ANKRD62: variants seen among roughly 807,000 people sequenced by gnomAD.
The protein encoded by ANKRD62 is ankyrin repeat domain-containing protein 62.
In ANKRD62, 61 loss-of-function variants were observed where a neutral mutation model predicts 98.8. The ratio of observed to expected loss-of-function variants is 0.62; its 90% CI spans 0.50 to 0.76. The LOEUF (loss-of-function observed/expected upper bound fraction) is 0.76. Ranked by LOEUF, ANKRD62 falls within the 30% of genes least tolerant of loss-of-function variation. ANKRD62 has a pLI of 0.00. For missense variants in ANKRD62, 933 were observed against 1,082.9 expected (o/e 0.86, Z 1.94); for synonymous variants, 341 against 367.9 (o/e 0.93, Z 0.84).
intron 1 of ANKRD62, 23 bp downstream of exon 1, chr18:12,094,258 A>T (rs1425648590): frequency 1.3e-6 from 2 of 1,489,280 alleles, no homozygotes; most frequent in Admixed American, 4.3e-5. Flanking sequence ...GGAAGCCGGG[A>T]GGAGGCCTGG....
At chr18:12,100,526 A>G (rs1258791671) in intron 6 of ANKRD62, among the ~76,000 whole-genome samples, 1 of 152,114 alleles carries the variant, frequency 6.6e-6, no homozygotes, top group Non-Finnish European at 1.5e-5. Context: ...GATTTGTGTC[A>G]CTTAAAAAGT....
At chr18:12,153,364 G>A in the ANKRD62 span, among the ~76,000 whole-genome samples, 141 of 152,140 alleles carry the variant, frequency 9.3e-4, no homozygotes, top group Non-Finnish European at 1.9e-3. Context: ...GCCAAAGTGG[G>A]GTGAATCACT....
the ANKRD62 span, among the ~76,000 whole-genome samples, chr18:12,167,360 C>T: frequency 5.3e-5 from 8 of 152,038 alleles, no homozygotes; most frequent in South Asian, 6.2e-4. Flanking sequence ...TGTTCAGTTC[C>T]CACCTATGAG....
downstream of ANKRD62, among the ~76,000 whole-genome samples, chr18:12,132,987 A>C (rs1910028210): frequency 6.6e-6 from 1 of 152,146 alleles, no homozygotes; most frequent in East Asian, 1.9e-4. Flanking sequence ...AAGTACATTC[A>C]CAATGTCATA....
chr18:12,169,987 A>G, the ANKRD62 span, among the ~76,000 whole-genome samples: 1 of 152,006 alleles, frequency 6.6e-6, no homozygotes, highest in African/African-American at 2.4e-5. Flanking sequence ...CCCCTTTATC[A>G]TTTTTTATTG....
chr18:12,156,167 T>A, the ANKRD62 span, among the ~76,000 whole-genome samples: 8 of 148,856 alleles, frequency 5.4e-5, no homozygotes, highest in Non-Finnish European at 7.5e-5. Context: ...TCCACCATAA[T>A]TGGAAGCTTC....
chr18:12,162,171 C>T, the ANKRD62 span, among the ~76,000 whole-genome samples: 2 of 152,012 alleles, frequency 1.3e-5, no homozygotes, highest in African/African-American at 4.8e-5. Flanking sequence ...TCCATATGCT[C>T]AACAGCATTT....
chr18:12,176,349 G>GC, the ANKRD62 span, among the ~76,000 whole-genome samples: 1 of 137,508 alleles, frequency 7.3e-6, no homozygotes, highest in Admixed American at 7.5e-5. Context: ...AATCATAATT[G>GC]TAAAAAAGTA....
chr18:12,158,844 T>A, the ANKRD62 span, among the ~76,000 whole-genome samples: 1 of 152,178 alleles, frequency 6.6e-6, no homozygotes, highest in African/African-American at 2.4e-5. Flanking sequence ...AGAAATTTTT[T>A]ATTTAACACA....
chr18:12,130,991 G>A (rs1909995164), downstream of ANKRD62, among the ~76,000 whole-genome samples: 1 of 152,132 alleles, frequency 6.6e-6, no homozygotes, highest in South Asian at 2.1e-4. Context: ...CATCTGGCCT[G>A]TACAATGTTT....
the ANKRD62 span, among the ~76,000 whole-genome samples, chr18:12,135,173 C>T: frequency 6.8e-6 from 1 of 146,486 alleles, no homozygotes; most frequent in African/African-American, 2.6e-5. Flanking sequence ...GGTATATCTC[C>T]TAATGCTATC....
At chr18:12,151,668 A>G in the ANKRD62 span, among the ~76,000 whole-genome samples, 1 of 152,350 alleles carries the variant, frequency 6.6e-6, no homozygotes, top group Non-Finnish European at 1.5e-5. Flanking sequence ...GAGAAGCAAG[A>G]ATAAATCAAC....
chr18:12,093,909 C>T lies in ANKRD62; in HGVS notation c.-109C>T. On this transcript the variant is annotated 5_prime_UTR_variant, in exon 1 of 14. Coordinates refer to ENST00000587848, the MANE Select transcript of ANKRD62 (RefSeq NM_001277333.2). Reference sequence around the variant, plus strand: ...GGAGTGTCCCTGACGGAGGTTGCGGCTGGACCTGGTTACGTGCTGGTGCTG... The same window carrying T: ...GGAGTGTCCCTGACGGAGGTTGCGGTTGGACCTGGTTACGTGCTGGTGCTG... 9.3e-7 allele frequency: 1 copy of T among 1,078,554 alleles called. No individual in the cohort carries two copies. 66.8% of individuals were successfully genotyped at this position (1,078,554 alleles called of 1,614,324 possible). A position where few individuals can be genotyped will look rare whatever the true frequency, so the allele number is the denominator to read the frequency against.
chr18:12,153,607 A>AAAAAAAAAG, the ANKRD62 span, among the ~76,000 whole-genome samples: 3 of 141,042 alleles, frequency 2.1e-5, no homozygotes, highest in African/African-American at 5.3e-5. Flanking sequence ...AAAAAAAAAA[A>AAAAAAAAAG]AAAGAAAGAA....
Position 12,128,466 on chromosome 18 carries a change from A to T in ANKRD62, c.*527A>T, listed in dbSNP as rs555000724. On this transcript the variant is annotated 3_prime_UTR_variant, in exon 14 of 14. Transcript: ENST00000587848. ...AGCATTTGCCAACATGTATGTGTCT[A>T]CTTTCTCTTGCTTAAAACAAAAACA... 1 of 152,364 alleles carries T rather than the reference A, an allele frequency of 6.6e-6. No individual in the cohort carries two copies. The highest frequency in any genetic ancestry group is 2.1e-4 in the South Asian group (1 of 4,826). 9.4% of individuals were successfully genotyped at this position (152,364 alleles called of 1,614,324 possible). A position where few individuals can be genotyped will look rare whatever the true frequency, so the allele number is the denominator to read the frequency against.
At chr18:12,140,226 G>T in the ANKRD62 span, among the ~76,000 whole-genome samples, 11 of 152,072 alleles carry the variant, frequency 7.2e-5, no homozygotes, top group Admixed American at 7.2e-4. Context: ...CTCTGCATTG[G>T]TTATTCTAGT....
At chr18:12,150,597 A>C in the ANKRD62 span, among the ~76,000 whole-genome samples, 8 of 152,232 alleles carry the variant, frequency 5.3e-5, no homozygotes, top group Non-Finnish European at 1.2e-4. Context: ...GGCTAACAGT[A>C]GACATCTTAG....
chr18:12,124,939 CA>C (rs1310558531), intron 12 of ANKRD62, among the ~76,000 whole-genome samples: 1 of 152,044 alleles, frequency 6.6e-6, no homozygotes, highest in Non-Finnish European at 1.5e-5. Context: ...TGTCATTTAT[CA>C]ATACATGTCA....
intron 7 of ANKRD62, among the ~76,000 whole-genome samples, chr18:12,104,580 C>G (rs1269059223): frequency 1.3e-5 from 2 of 152,058 alleles, no homozygotes; most frequent in Non-Finnish European, 2.9e-5. Context: ...TAAAACTCAT[C>G]AAAATTGAGT....
Sources: allele counts gnomAD v4.1 joint callset (sites outside exome capture counted in the v4.1 genomes callset), GRCh38; gene constraint gnomAD v4.1.1; transcripts MANE v1.5; gene names NCBI Gene and HGNC (gene_info 2026-07-23, HGNC 2026-07-21).